CSMD2: variants seen among roughly 807,000 people sequenced by gnomAD.
The protein encoded by CSMD2 is CUB and Sushi multiple domains 2.
CSMD2 carries 130 observed loss-of-function variants against 398.5 expected under a neutral mutation model. The observed-to-expected ratio is 0.33, with a 90% CI of 0.28 to 0.38. CSMD2 has a LOEUF of 0.38. Among genes scored for constraint, CSMD2 ranks in the 10% least tolerant of loss-of-function variants. CSMD2 has a pLI of 1.00. For synonymous variants in CSMD2, 1,828 were observed against 1,908.5 expected (o/e 0.96, Z 1.10); for missense variants, 3,829 against 4,764.9 (o/e 0.80, Z 5.78).
chr1:34,079,160 T>C (rs10914861), intron 2 of CSMD2, among the ~76,000 whole-genome samples: 41,697 of 152,082 alleles, frequency 0.27, 6,132 homozygotes, highest in Admixed American at 0.36. Flanking sequence ...ACATCATACT[T>C]AATGCTAAAA....
intron 32 of CSMD2, among the ~76,000 whole-genome samples, chr1:33,632,867 A>G (rs572229213): frequency 6.6e-6 from 1 of 152,360 alleles, no homozygotes; most frequent in East Asian, 1.9e-4. Context: ...ATAAATTTTA[A>G]CTAACTGTAT....
chr1:33,581,269 C>T (rs906742353), intron 47 of CSMD2, among the ~76,000 whole-genome samples: 1 of 149,784 alleles, frequency 6.7e-6, no homozygotes, highest in African/African-American at 2.5e-5. Context: ...TGTCTGTAAT[C>T]CCAGCATTTT....
At chr1:33,822,921 ACCCAT>A (rs1476976872) in intron 7 of CSMD2, among the ~76,000 whole-genome samples, 2 of 152,106 alleles carry the variant, frequency 1.3e-5, no homozygotes, top group Non-Finnish European at 2.9e-5. Flanking sequence ...CACGAGTCAT[ACCCAT>A]CCCAAAGTCT....
rs545101626 is a variant in CSMD2 at position 33,852,584 on chromosome 1, T to C, written c.921-5588A>G. On this transcript the variant is annotated intron_variant, in intron 5 of 70. Coordinates refer to ENST00000373381, the MANE Select transcript of CSMD2 (RefSeq NM_001281956.2). Reference sequence around the variant, plus strand: ...CTAACTAAATATTTCCTTTCCTCTATCTCTCCCTCTCCCTGCCCCCAGTGG... The same window carrying C: ...CTAACTAAATATTTCCTTTCCTCTACCTCTCCCTCTCCCTGCCCCCAGTGG... Among the ~76,000 whole-genome samples, 3 of 152,338 alleles carry C rather than the reference T, an allele frequency of 2.0e-5. No individual in the cohort carries two copies. In the South Asian group the frequency reaches 6.2e-4, roughly 32 times the overall value.
At chr1:33,665,840 T>G (rs1189317645) in intron 25 of CSMD2, among the ~76,000 whole-genome samples, 22 of 152,178 alleles carry the variant, frequency 1.4e-4, no homozygotes. Context: ...AACATCTGTT[T>G]ACTCCCTCCG....
chr1:33,861,289 T>A (rs1043345802), intron 5 of CSMD2: 2 of 152,228 alleles, frequency 1.3e-5, no homozygotes, highest in African/African-American at 4.8e-5. Flanking sequence ...TTGCAGCCTA[T>A]TTTTTAAAAA....
intron 1 of CSMD2, among the ~76,000 whole-genome samples, chr1:34,111,125 T>G (rs951644416): frequency 2.0e-5 from 3 of 152,246 alleles, no homozygotes; most frequent in Non-Finnish European, 4.4e-5. Context: ...TACTCACTGA[T>G]GCGTCCCAAG....
intron 26 of CSMD2, among the ~76,000 whole-genome samples, chr1:33,659,827 T>C (rs543706813): frequency 1.3e-5 from 2 of 152,358 alleles, no homozygotes; most frequent in East Asian, 3.9e-4. Flanking sequence ...TACAGCAAAC[T>C]ATGGCCCACG....
chr1:33,607,502 G>A (rs12041409), intron 41 of CSMD2, among the ~76,000 whole-genome samples: 15,684 of 152,216 alleles, frequency 0.1, 1,678 homozygotes, highest in African/African-American at 0.27. Flanking sequence ...GTGCCGCTCC[G>A]TACGGCGGAG....
intron 29 of CSMD2, among the ~76,000 whole-genome samples, chr1:33,640,109 TA>T (rs1189223467): frequency 6.6e-6 from 1 of 152,108 alleles, no homozygotes; most frequent in Non-Finnish European, 1.5e-5. Flanking sequence ...TTATAATAAA[TA>T]AAACCCAAGC....
At chr1:33,675,927 C>T (rs1300498788) in intron 25 of CSMD2, among the ~76,000 whole-genome samples, 5 of 152,204 alleles carry the variant, frequency 3.3e-5, no homozygotes, top group Non-Finnish European at 5.9e-5. Context: ...GCTAAAAACT[C>T]TCAATAAATT....
chr1:34,103,289 C>CT (rs1377493597), intron 1 of CSMD2, among the ~76,000 whole-genome samples: 3,570 of 106,936 alleles, frequency 0.033, 407 homozygotes, highest in African/African-American at 0.13. Flanking sequence ...ACTCCTTGAG[C>CT]TTTTTTTTTT....
chr1:33,932,631 G>A (rs1383853543), intron 4 of CSMD2, among the ~76,000 whole-genome samples: 1 of 152,178 alleles, frequency 6.6e-6, no homozygotes, highest in East Asian at 1.9e-4. Flanking sequence ...ACTGGGTTGT[G>A]AGCCTTGATT....
chr1:34,129,283 T>A lies in CSMD2; in HGVS notation c.187+35628A>T, dbSNP rs201498736. On this transcript the variant is annotated intron_variant, in intron 1 of 70. Transcript: ENST00000373381. Reference sequence around the variant, plus strand: ...AACACATGTTGTGTGTAGAAGCGTGTGTGTGTGCACATGTGCTTACATGTA... The same window carrying A: ...AACACATGTTGTGTGTAGAAGCGTGAGTGTGTGCACATGTGCTTACATGTA... Among the ~76,000 whole-genome samples the A allele has an allele frequency of 2.6e-5, 4 of 152,184 alleles. No homozygotes were observed. The East Asian group carries it at 7.7e-4, about 29-fold the overall frequency.
intron 3 of CSMD2, among the ~76,000 whole-genome samples, chr1:33,946,789 ACT>A (rs1491242763): frequency 2.6e-5 from 3 of 114,628 alleles, no homozygotes; most frequent in African/African-American, 1.2e-4. Context: ...TGTCCAGCTA[ACT>A]TTTTTTTTTT....
At chr1:33,614,754 G>A (rs1570950390) in intron 39 of CSMD2, 134 bp from the exon 40 acceptor site, 1 of 602,238 alleles carries the variant, frequency 1.7e-6, no homozygotes, top group Non-Finnish European at 3.0e-6. Context: ...AGAATCCAAA[G>A]GAATCTTCTT....
At chr1:33,716,252 G>T (rs757847487) in intron 20 of CSMD2, 34 bp downstream of exon 20, 3 of 1,548,078 alleles carry the variant, frequency 1.9e-6, no homozygotes, top group African/African-American at 1.4e-5. Context: ...TAGCACCATG[G>T]TCTCTTCCCC....
chr1:34,148,064 G>C (rs1023491922), intron 1 of CSMD2, among the ~76,000 whole-genome samples: 2 of 152,140 alleles, frequency 1.3e-5, no homozygotes, highest in African/African-American at 4.8e-5. Flanking sequence ...CACAGCATTG[G>C]GTAAGATGAA....
rs377323092 is a variant in CSMD2, at chr1:33,772,689, G to A, written c.1726C>T (p.Arg576Trp). 64 of 1,613,962 alleles carry A rather than the reference G, an allele frequency of 4.0e-5. No homozygotes were observed. The highest frequency in any genetic ancestry group is 4.8e-5 in the Non-Finnish European group (57 of 1,179,980). ...TTGAGTGTGTCACCGTGGTGAAACC[G>A]GGAGCCTTCCCTCCGGCCATATGCA... ...IPAYGRREGSRFHHGDTLKFE... is the reference protein window; with the variant it reads ...IPAYGRREGSWFHHGDTLKFE... Residue 576 changes from arginine to tryptophan, a missense_variant, in exon 13 of 71, where the codon CGG (arginine) becomes TGG (tryptophan). Transcript: ENST00000373381.
Sources: gnomAD v4.1 joint callset for allele counts (sites outside exome capture counted in the v4.1 genomes callset) on GRCh38, gnomAD v4.1.1 for gene constraint, MANE v1.5 for transcripts, NCBI Gene and HGNC (gene_info 2026-07-23, HGNC 2026-07-21) for gene names.